TEX10: variants seen among roughly 807,000 people sequenced by gnomAD.
The protein encoded by TEX10 is testis-expressed protein 10.
A neutral mutation model predicts 104.4 loss-of-function variants in TEX10; 24 were observed. That is an observed-to-expected ratio of 0.23 (90% CI 0.17 to 0.32). TEX10 has a LOEUF of 0.32. Ranked by LOEUF, TEX10 falls within the 10% of genes least tolerant of loss-of-function variation. TEX10 has a pLI of 1.00. For missense variants in TEX10, 921 were observed against 1,083.9 expected, an observed-to-expected ratio of 0.85 and a Z score of 2.11; for synonymous variants, 396 against 393.4, an observed-to-expected ratio of 1.01 and a Z score of -0.08.
rs774392287 is a variant in TEX10 at position 100,349,263 on chromosome 9, T to C, written c.101A>G (p.Lys34Arg). The C allele has an allele frequency of 2.3e-5, 37 of 1,607,998 alleles. No homozygotes were observed. Among genetic ancestry groups the C allele is most frequent in the Non-Finnish European group, 3.1e-5 (36 of 1,178,526 alleles). Residue 34 changes from lysine (K) to arginine (R), a missense_variant, in exon 2 of 15, where the codon AAA becomes AGA. By Grantham distance (26) the Lys-to-Arg change is conservative. Coordinates refer to ENST00000374902, the MANE Select transcript of TEX10 (RefSeq NM_017746.4). ...KLQNATPTNF[K>R]TKTIHLPEQL... ...CTCAGGCAGATGTATAGTCTTTGTTTTAAAGTTTGTAGGAGTAGCATTTTG... is the reference window on the plus strand; with the variant it reads ...CTCAGGCAGATGTATAGTCTTTGTTCTAAAGTTTGTAGGAGTAGCATTTTG...
In TEX10 at chr9:100,329,907, T is replaced by G. The variant is rs778537902; in HGVS notation, c.1489+24A>C. 13 of 1,574,842 alleles carry G rather than the reference T, an allele frequency of 8.3e-6. No homozygotes were observed. In the Middle Eastern group the frequency reaches 6.8e-4, roughly 82 times the overall value. On this transcript the variant is annotated intron_variant, in intron 6 of 14. Coordinates refer to ENST00000374902, the MANE Select transcript of TEX10 (RefSeq NM_017746.4). ...CACATGTAAGAGCTCCACTCTTAAATAAGGGCAAAGTAGCATCACCTACCT... is the reference window on the plus strand; with the variant it reads ...CACATGTAAGAGCTCCACTCTTAAAGAAGGGCAAAGTAGCATCACCTACCT...
chr9:100,347,824 T>C (rs910466437), intron 2 of TEX10, among the ~76,000 whole-genome samples: 1 of 152,180 alleles, frequency 6.6e-6, no homozygotes, highest in African/African-American at 2.4e-5. Context: ...TACCTGACAA[T>C]TTTATCTGTG....
intron 2 of TEX10, 76 bp from the exon 3 acceptor site, chr9:100,347,482 C>G (rs777401825): frequency 2.6e-5 from 30 of 1,159,832 alleles, no homozygotes; most frequent in Non-Finnish European, 3.5e-5. Flanking sequence ...CTAACTAACA[C>G]TACACTAGTA....
At chr9:100,348,197 T>C (rs1835350070) in intron 2 of TEX10, among the ~76,000 whole-genome samples, 1 of 152,260 alleles carries the variant, frequency 6.6e-6, no homozygotes, top group Admixed American at 6.5e-5. Context: ...TGATTTCATT[T>C]ATATGCACTT....
chr9:100,350,215 A>C (rs1367024768), intron 1 of TEX10, among the ~76,000 whole-genome samples: 1 of 151,960 alleles, frequency 6.6e-6, no homozygotes, highest in African/African-American at 2.4e-5. Flanking sequence ...TCTCTTACCC[A>C]TTTCCAGGCC....
Position 100,346,961 on chromosome 9 carries a change from A to T in TEX10, c.626T>A (p.Ile209Lys), listed in dbSNP as rs753883348. The T allele has an allele frequency of 6.2e-7, 1 of 1,614,248 alleles. No homozygotes were observed. Among genetic ancestry groups the T allele is most frequent in the Non-Finnish European group, 8.5e-7 (1 of 1,180,048 alleles). The change falls in exon 3 of 15, where the codon ATA (isoleucine) becomes AAA (lysine). Residue 209 changes from isoleucine (I) to lysine (K), a missense_variant. Around this residue, in one of 3 missense-constraint regions of TEX10, gnomAD observed 753 missense variants for 868.4 expected, o/e 0.87. Coordinates refer to ENST00000374902, the MANE Select transcript of TEX10 (RefSeq NM_017746.4). ...LINRDRSQSW[I>K]LSVNPNRRLT... ...TCTCCGATTAGGATTTACAGAAAGT[A>T]TCCAGGACTGGGATCTGTCTCTATT...
intron 6 of TEX10, 124 bp from the exon 7 acceptor site, chr9:100,329,399 A>G: frequency 9.2e-7 from 1 of 1,083,410 alleles, no homozygotes; most frequent in Non-Finnish European, 1.3e-6. Context: ...AGCCACAAAT[A>G]GACAACTACC....
At chr9:100,343,747 C>G (rs142383278) in intron 4 of TEX10, among the ~76,000 whole-genome samples, 2,062 of 152,226 alleles carry the variant, frequency 0.014, 27 homozygotes, top group Non-Finnish European at 0.022. Context: ...CATCAATTTA[C>G]CAATAGAAAA....
At chr9:100,306,336 G>A (rs918730181) in intron 13 of TEX10, 1 of 150,316 alleles carries the variant, frequency 6.7e-6, no homozygotes, top group Non-Finnish European at 1.5e-5. Context: ...CTATGTCTAG[G>A]GCAGGATAAA....
At chr9:100,349,852 A>G (rs1835399883) in intron 1 of TEX10, among the ~76,000 whole-genome samples, 2 of 152,158 alleles carry the variant, frequency 1.3e-5, no homozygotes, top group Non-Finnish European at 2.9e-5. Flanking sequence ...AGATTTATGA[A>G]CCTAAGCTGA....
chr9:100,331,377 C>T (rs778801454), intron 5 of TEX10, among the ~76,000 whole-genome samples: 38 of 152,330 alleles, frequency 2.5e-4, no homozygotes, highest in Non-Finnish European at 1.0e-4. Flanking sequence ...TTTGAGGTTA[C>T]AGTGAGCTAT....
chr9:100,345,879 A>G (rs1224526173), intron 4 of TEX10, among the ~76,000 whole-genome samples, 193 bp downstream of exon 4: 1 of 152,064 alleles, frequency 6.6e-6, no homozygotes, highest in Non-Finnish European at 1.5e-5. Flanking sequence ...ATATATATAT[A>G]TATATATTCA....
chr9:100,347,472 C>G, intron 2 of TEX10, 66 bp from the exon 3 acceptor site: 1 of 1,242,282 alleles, frequency 8.0e-7, no homozygotes, highest in Non-Finnish European at 1.1e-6. Flanking sequence ...CGTAAACATG[C>G]TAACTAACAC....
chr9:100,339,889 T>A (rs1266711424), intron 5 of TEX10, among the ~76,000 whole-genome samples: 1 of 152,092 alleles, frequency 6.6e-6, no homozygotes, highest in Non-Finnish European at 1.5e-5. Context: ...GTTCCTCATG[T>A]ATAAATGAGA....
chr9:100,343,617 C>T (rs1368389858), intron 4 of TEX10, among the ~76,000 whole-genome samples: 1 of 150,954 alleles, frequency 6.6e-6, no homozygotes, highest in Non-Finnish European at 1.5e-5. Context: ...AAAAAAACTA[C>T]CTGAATACAA....
chr9:100,303,913 C>T, intron 13 of TEX10, 71 bp from the exon 14 acceptor site: 1 of 1,440,708 alleles, frequency 6.9e-7, no homozygotes, highest in Non-Finnish European at 9.6e-7. Context: ...CTATATTCCC[C>T]CAAAGTGAAA....
At chr9:100,352,683 G>A (rs1156826866) in intron 1 of TEX10, 89 bp downstream of exon 1, 3 of 1,339,054 alleles carry the variant, frequency 2.2e-6, no homozygotes, top group East Asian at 3.2e-5. Context: ...GACCCTGCCC[G>A]CTTGGGCCGC....
intron 5 of TEX10, among the ~76,000 whole-genome samples, chr9:100,337,561 C>T (rs145586013): frequency 2.2e-4 from 34 of 152,310 alleles, no homozygotes; most frequent in African/African-American, 8.2e-4. Context: ...AATAAAGTGT[C>T]TCTTTGATTC....
At chr9:100,350,823 GTTATA>G (rs1298678396) in intron 1 of TEX10, among the ~76,000 whole-genome samples, 3 of 152,142 alleles carry the variant, frequency 2.0e-5, no homozygotes, top group African/African-American at 7.2e-5. Context: ...TAATTACAGG[GTTATA>G]TTAGATCGCC....
Sources: gnomAD v4.1 joint callset for allele counts (sites outside exome capture counted in the v4.1 genomes callset) on GRCh38, gnomAD v4.1.1 for gene constraint, gnomAD v4.1.1 regional missense constraint, MANE v1.5 for transcripts, NCBI Gene and HGNC (gene_info 2026-07-23, HGNC 2026-07-21) for gene names.